PBX1: variants seen among roughly 807,000 people sequenced by gnomAD.
PBX1 encodes pre-B-cell leukemia transcription factor 1.
PBX1 carries 6 observed loss-of-function variants against 53.4 expected under a neutral mutation model. The observed-to-expected ratio is 0.11, with a 90% CI of 0.06 to 0.22. PBX1 has a LOEUF of 0.22. Ranked by LOEUF, PBX1 falls within the 10% of genes least tolerant of loss-of-function variation. PBX1 has a pLI of 1.00. For synonymous variants in PBX1, 204 were observed against 212.3 expected, an observed-to-expected ratio of 0.96 and a Z score of 0.34; for missense variants, 251 against 551.4, an observed-to-expected ratio of 0.46 and a Z score of 5.46.
intron 2 of PBX1, among the ~76,000 whole-genome samples, chr1:164,881,435 A>C (rs2102466129): frequency 6.6e-6 from 1 of 150,722 alleles, no homozygotes; most frequent in African/African-American, 2.4e-5. Flanking sequence ...GGAGGAAGGA[A>C]GGGAGGAAGG....
chr1:164,845,320 A>G (rs1462881305), intron 8 of PBX1, among the ~76,000 whole-genome samples: 2 of 152,172 alleles, frequency 1.3e-5, no homozygotes, highest in Non-Finnish European at 1.5e-5. Flanking sequence ...GATGAATAAA[A>G]TGGGAACGGC....
At position 164,847,108 on chromosome 1, in the gene PBX1, C is replaced by G. The variant is rs752575028; in HGVS notation, c.*432C>G. 8.2e-6 allele frequency: 9 copies of G among 1,098,408 alleles called. No individual in the cohort carries two copies. In the East Asian group the frequency reaches 2.6e-4, roughly 31 times the overall value. The allele number at this position is 1,098,408 out of a possible 1,614,324, so 68.0% of individuals were successfully genotyped here. Reference sequence around the variant, plus strand: ...TTTGAGGAGCCAAATTTACCTCACTCGAATCCCTCACTCCCTATGTTAACA... The same window carrying G: ...TTTGAGGAGCCAAATTTACCTCACTGGAATCCCTCACTCCCTATGTTAACA... On this transcript the variant is annotated 3_prime_UTR_variant, in exon 9 of 9. Coordinates refer to ENST00000420696, the MANE Select transcript of PBX1 (RefSeq NM_002585.4).
chr1:164,689,969 T>C (rs987146076), intron 2 of PBX1, among the ~76,000 whole-genome samples: 5 of 152,220 alleles, frequency 3.3e-5, no homozygotes, highest in African/African-American at 1.2e-4. Context: ...TTATGGCTTA[T>C]GGCAAACTGC....
At chr1:164,777,537 A>G (rs1379998505) in intron 2 of PBX1, among the ~76,000 whole-genome samples, 1 of 152,246 alleles carries the variant, frequency 6.6e-6, no homozygotes, top group African/African-American at 2.4e-5. Context: ...CACAGGATGT[A>G]ATCACTGACT....
intron 2 of PBX1, among the ~76,000 whole-genome samples, chr1:164,717,953 G>A (rs1350117884): frequency 6.6e-6 from 1 of 152,214 alleles, no homozygotes; most frequent in African/African-American, 2.4e-5. Flanking sequence ...AGCATGTACT[G>A]TGTCAGACAC....
intron 3 of PBX1, among the ~76,000 whole-genome samples, chr1:164,798,921 G>T (rs1489326): frequency 0.21 from 32,663 of 152,064 alleles, 3,713 homozygotes; most frequent in South Asian, 0.28. Context: ...AGTTATCAAA[G>T]CTTTTAATTC....
chr1:164,756,055 G>C (rs1666501876), intron 2 of PBX1, among the ~76,000 whole-genome samples: 1 of 151,396 alleles, frequency 6.6e-6, no homozygotes, highest in Non-Finnish European at 1.5e-5. Flanking sequence ...CCTCTGCACA[G>C]AGCTAGCTGG....
Position 164,739,837 on chromosome 1 carries a change from C to G in PBX1, c.266-52657C>G, listed in dbSNP as rs77754718. On this transcript the variant is annotated intron_variant, in intron 2 of 8. Coordinates refer to ENST00000420696, the MANE Select transcript of PBX1 (RefSeq NM_002585.4). ...ATTAGTGTTCATTTGTCTGAGAACT[C>G]TTTTCAGACAAAGTAAGGCTACGTT... is the stretch of plus-strand genomic sequence containing the variant. 1.8e-4 allele frequency among the ~76,000 whole-genome samples: 28 copies of G among 151,724 alleles called. No individual in the cohort carries two copies. In the East Asian group the frequency reaches 4.7e-3, roughly 25 times the overall value.
At chr1:164,865,309 G>A (rs1403534760) in intron 2 of PBX1, among the ~76,000 whole-genome samples, 17 of 152,184 alleles carry the variant, frequency 1.1e-4, no homozygotes, top group Admixed American at 1.1e-3. Context: ...ACATCTCAAG[G>A]TTTGCTTCTA....
chr1:164,734,278 A>G (rs554745575), intron 2 of PBX1, among the ~76,000 whole-genome samples: 84 of 152,306 alleles, frequency 5.5e-4, no homozygotes, highest in Non-Finnish European at 1.0e-3. Context: ...TGAAGGAAGC[A>G]TTTCTTGTAT....
In PBX1 at chr1:164,559,466, T is replaced by C. The variant is rs1323251248; in HGVS notation, c.-357T>C. ...TAAGCGCCGGGAGCCCATTTCTGCC[T>C]TGCAAAGGAGACCGGACTGAAAAAC... On this transcript the variant is annotated 5_prime_UTR_variant, in exon 1 of 9. Coordinates refer to ENST00000420696, the MANE Select transcript of PBX1 (RefSeq NM_002585.4). 1.5e-5 allele frequency: 4 copies of C among 270,090 alleles called. No individual in the cohort carries two copies. Among genetic ancestry groups the C allele is most frequent in the African/African-American group, 8.6e-5 (4 of 46,484 alleles). 16.7% of individuals were successfully genotyped at this position (270,090 alleles called of 1,614,324 possible).
intron 2 of PBX1, among the ~76,000 whole-genome samples, chr1:164,861,551 A>C (rs75849817): frequency 0.06 from 9,108 of 152,184 alleles, 275 homozygotes; most frequent in East Asian, 0.1. Flanking sequence ...AATAAGGAAA[A>C]AACTTTGACC....
At chr1:164,674,247 T>C (rs1661293471) in intron 2 of PBX1, among the ~76,000 whole-genome samples, 1 of 152,168 alleles carries the variant, frequency 6.6e-6, no homozygotes. Flanking sequence ...ACATCAAGTC[T>C]GGTTATGCTG....
At chr1:164,767,565 A>G (rs1402849209) in intron 2 of PBX1, among the ~76,000 whole-genome samples, 1 of 152,106 alleles carries the variant, frequency 6.6e-6, no homozygotes, top group Non-Finnish European at 1.5e-5. Flanking sequence ...TGCACAAGGA[A>G]AAATATCTCT....
intron 2 of PBX1, among the ~76,000 whole-genome samples, chr1:164,589,704 C>T (rs868441546): frequency 5.9e-5 from 9 of 152,102 alleles, no homozygotes; most frequent in Admixed American, 3.9e-4. Context: ...ATATTATCCA[C>T]CTGTCACCAT....
At chr1:164,660,710 A>G (rs914173741) in intron 2 of PBX1, among the ~76,000 whole-genome samples, 3 of 152,200 alleles carry the variant, frequency 2.0e-5, no homozygotes, top group African/African-American at 7.2e-5. Context: ...CCTTGACTAC[A>G]GCTCTTCAGT....
At chr1:164,571,918 C>CATATA (rs1557867060) in intron 2 of PBX1, among the ~76,000 whole-genome samples, 5 of 42,338 alleles carry the variant, frequency 1.2e-4, no homozygotes, top group East Asian at 5.4e-4. Context: ...TATATATATG[C>CATATA]TTTTTTTTTT....
chr1:164,592,957 T>A (rs1655505063), intron 2 of PBX1, among the ~76,000 whole-genome samples: 1 of 147,172 alleles, frequency 6.8e-6, no homozygotes, highest in African/African-American at 2.4e-5. Flanking sequence ...TCCTTAGATT[T>A]TTTTTTTTTT....
At chr1:164,673,572 G>A (rs1337958005) in intron 2 of PBX1, among the ~76,000 whole-genome samples, 1 of 148,224 alleles carries the variant, frequency 6.7e-6, no homozygotes, top group Non-Finnish European at 1.5e-5. Flanking sequence ...CCGGCTTCAA[G>A]CGATTCTCCT....
Sources: gnomAD v4.1 joint callset for allele counts (sites outside exome capture counted in the v4.1 genomes callset) on GRCh38, gnomAD v4.1.1 for gene constraint, MANE v1.5 for transcripts, NCBI Gene and HGNC (gene_info 2026-07-23, HGNC 2026-07-21) for gene names.